Variants in TNNI3K observed in about 807,000 individuals in gnomAD.
TNNI3K encodes serine/threonine-protein kinase TNNI3K.
TNNI3K carries 140 observed loss-of-function variants against 114.5 expected under a neutral mutation model. That is an observed-to-expected ratio of 1.22 (90% CI 1.07 to 1.41). The LOEUF is 1.41. Among genes scored for constraint, TNNI3K ranks in the 40% most tolerant of loss-of-function variants. The probability of loss-of-function intolerance (pLI) is 0.00; values close to 1 mark genes in which losing one functional copy is unlikely to be tolerated. For synonymous variants in TNNI3K, 347 were observed against 347.5 expected (o/e 1.00, Z 0.02); for missense variants, 1,125 against 1,007.6 (o/e 1.12, Z -1.58).
chr1:74,325,500 T>C (rs1345723041), intron 5 of TNNI3K, among the ~76,000 whole-genome samples: 1 of 152,188 alleles, frequency 6.6e-6, no homozygotes, highest in African/African-American at 2.4e-5. Context: ...TAAGTCCTGC[T>C]TGTGGTATAA....
intron 23 of TNNI3K, among the ~76,000 whole-genome samples, chr1:74,502,293 G>A (rs1284798820): frequency 6.6e-6 from 1 of 152,120 alleles, no homozygotes; most frequent in Non-Finnish European, 1.5e-5. Context: ...TACATGGTAG[G>A]TGCCAAACAC....
At chr1:74,461,467 G>A (rs1293579732) in intron 20 of TNNI3K, among the ~76,000 whole-genome samples, 1 of 145,876 alleles carries the variant, frequency 6.9e-6, no homozygotes, top group Non-Finnish European at 1.5e-5. Flanking sequence ...GTGACACAGT[G>A]AGACTCTGTC....
rs200117823 is a variant in TNNI3K, at chr1:74,369,408, A to G, written c.1490A>G (p.Tyr497Cys). 1.1e-5 allele frequency: 17 copies of G among 1,610,756 alleles called. No individual in the cohort carries two copies. Among genetic ancestry groups the G allele is most frequent in the Admixed American group, 1.7e-5 (1 of 59,652 alleles). ...VAIKRYRANT[Y>C]CSKSDVDMFC... ...ATTTCCAGTTATCGAGCCAATACCTACTGCTCCAAGTCAGATGTGGATATG... is the reference window on the plus strand; with the variant it reads ...ATTTCCAGTTATCGAGCCAATACCTGCTGCTCCAAGTCAGATGTGGATATG... The change falls in exon 16 of 25, where the codon TAC (tyrosine) becomes TGC (cysteine). Residue 497 changes from tyrosine to cysteine, a missense_variant. Tyr to Cys is a radical substitution (Grantham distance 194). Transcript: ENST00000326637.
At chr1:74,252,883 G>T (rs1274775947) in intron 4 of TNNI3K, among the ~76,000 whole-genome samples, 1 of 152,194 alleles carries the variant, frequency 6.6e-6, no homozygotes, top group Non-Finnish European at 1.5e-5. Flanking sequence ...AAAGTGTGGA[G>T]GGGCACCCGA....
intron 21 of TNNI3K, chr1:74,472,172 A>T: frequency 1.4e-6 from 1 of 716,974 alleles, no homozygotes; most frequent in Non-Finnish European, 2.6e-6. Context: ...GGTGTTGCAT[A>T]TCTTCTTCTA....
chr1:74,515,636 C>T (rs1396333480), intron 23 of TNNI3K, among the ~76,000 whole-genome samples: 1 of 151,954 alleles, frequency 6.6e-6, no homozygotes, highest in African/African-American at 2.4e-5. Flanking sequence ...GGCTGACATC[C>T]GATGTAGTCA....
chr1:74,370,544 T>A lies in TNNI3K; in HGVS notation c.1772+152T>A, dbSNP rs3765667. 0.052 allele frequency: 26,569 copies of A among 515,240 alleles called. 881 individuals carry two copies. The highest frequency in any genetic ancestry group is 0.11 in the African/African-American group (5,419 of 50,766). The allele number at this position is 515,240 out of a possible 1,614,324, so 31.9% of individuals were successfully genotyped here. On this transcript the variant is annotated intron_variant, in intron 17 of 24. Transcript: ENST00000326637. ...CCATAAGCTTAGGCGATAGAAAGTT[T>A]TGTCATTGTCTTTTAAGGAGTAGAA...
At chr1:74,247,340 T>A (rs1415386944) in intron 2 of TNNI3K, among the ~76,000 whole-genome samples, 1 of 152,182 alleles carries the variant, frequency 6.6e-6, no homozygotes, top group Admixed American at 6.5e-5. Context: ...GTGATCTTGC[T>A]GGCTTCAGGA....
chr1:74,257,755 G>A (rs1248899903), intron 4 of TNNI3K, among the ~76,000 whole-genome samples: 2 of 134,042 alleles, frequency 1.5e-5, no homozygotes, highest in Non-Finnish European at 3.1e-5. Flanking sequence ...TGCAAGCTCC[G>A]CCTCCCGGTT....
At chr1:74,239,603 C>T (rs952047904) in intron 2 of TNNI3K, among the ~76,000 whole-genome samples, 3 of 152,056 alleles carry the variant, frequency 2.0e-5, no homozygotes, top group Non-Finnish European at 2.9e-5. Flanking sequence ...TAGCATGAAA[C>T]GTAAAGGATC....
chr1:74,276,877 C>T (rs1328966545), intron 5 of TNNI3K, among the ~76,000 whole-genome samples: 1 of 152,124 alleles, frequency 6.6e-6, no homozygotes. Context: ...GATTCCTAGA[C>T]ATGCTGACTA....
At chr1:74,406,440 A>G (rs1664617077) in intron 17 of TNNI3K, among the ~76,000 whole-genome samples, 2 of 152,306 alleles carry the variant, frequency 1.3e-5, no homozygotes, top group Non-Finnish European at 2.9e-5. Context: ...CCCCTGCTCT[A>G]GAGGTTGCAA....
At chr1:74,441,625 G>T (rs1484853443) in intron 20 of TNNI3K, among the ~76,000 whole-genome samples, 1 of 152,016 alleles carries the variant, frequency 6.6e-6, no homozygotes, top group African/African-American at 2.4e-5. Flanking sequence ...AATTTCAGTT[G>T]TTTCACGTCC....
intron 17 of TNNI3K, among the ~76,000 whole-genome samples, chr1:74,424,655 G>A (rs1176623547): frequency 6.7e-6 from 1 of 149,322 alleles, no homozygotes; most frequent in African/African-American, 2.4e-5. Flanking sequence ...GGAGGCGGAG[G>A]CTGCAATGAG....
In TNNI3K at chr1:74,432,064, G is replaced by A. The variant is rs560458146; in HGVS notation, c.1773-4016G>A. ...TGGAGAGTTTAAGATGCAAGTCTGT[G>A]TATGTGTGTGTGTGTGTGTGCACAC... On this transcript the variant is annotated intron_variant, in intron 17 of 24. Transcript: ENST00000326637. Among the ~76,000 whole-genome samples the A allele has an allele frequency of 1.5e-4, 23 of 151,636 alleles. No individual in the cohort carries two copies. In the South Asian group the frequency reaches 4.6e-3, roughly 30 times the overall value.
intron 21 of TNNI3K, chr1:74,483,261 C>G: frequency 1.4e-6 from 1 of 717,014 alleles, no homozygotes; most frequent in Non-Finnish European, 2.6e-6. Context: ...AGTTTTATTA[C>G]CTACTATATA....
chr1:74,427,007 A>G (rs1443559418), intron 17 of TNNI3K, among the ~76,000 whole-genome samples: 1 of 152,118 alleles, frequency 6.6e-6, no homozygotes, highest in Non-Finnish European at 1.5e-5. Context: ...TTATAGAATA[A>G]GGGATCATTT....
intron 17 of TNNI3K, among the ~76,000 whole-genome samples, chr1:74,424,576 A>C (rs568788548): frequency 1.6e-4 from 24 of 151,154 alleles, no homozygotes; most frequent in Non-Finnish European, 2.8e-4. Context: ...AAAATTAACC[A>C]GGCATGGTGG....
At chr1:74,318,791 C>T (rs1173021376) in intron 5 of TNNI3K, among the ~76,000 whole-genome samples, 1 of 152,114 alleles carries the variant, frequency 6.6e-6, no homozygotes, top group East Asian at 1.9e-4. Flanking sequence ...TTATTTTTGA[C>T]CCCCAGTGCC....
Sources: allele counts gnomAD v4.1 joint callset (sites outside exome capture counted in the v4.1 genomes callset), GRCh38; gene constraint gnomAD v4.1.1; transcripts MANE v1.5; gene names NCBI Gene and HGNC (gene_info 2026-07-23, HGNC 2026-07-21).